EYS: variants seen among roughly 807,000 people sequenced by gnomAD.
EYS encodes protein eyes shut homolog.
In EYS, 250 loss-of-function variants were observed where a neutral mutation model predicts 282.1. That is an observed-to-expected ratio of 0.89 (90% CI 0.80 to 0.98). The LOEUF (loss-of-function observed/expected upper bound fraction) is 0.98. EYS is among the 50% of genes least tolerant of loss of function. The pLI is 0.00. For missense variants in EYS, 4,016 were observed against 3,709.0 expected (o/e 1.08, Z -2.15); for synonymous variants, 1,355 against 1,282.9 (o/e 1.06, Z -1.20).
intron 28 of EYS, among the ~76,000 whole-genome samples, chr6:64,424,554 A>C (rs1774342561): frequency 6.6e-6 from 1 of 152,188 alleles, no homozygotes; most frequent in Non-Finnish European, 1.5e-5. Context: ...ATTTCACTGC[A>C]AACCCTGCGT....
chr6:63,735,981 T>TACA (rs1768902184), intron 41 of EYS, among the ~76,000 whole-genome samples: 1 of 152,170 alleles, frequency 6.6e-6, no homozygotes, highest in Non-Finnish European at 1.5e-5. Context: ...CTACATAATG[T>TACA]AGACCCGTAT....
intron 19 of EYS, among the ~76,000 whole-genome samples, chr6:64,832,198 G>A (rs767761519): frequency 1.8e-4 from 27 of 151,798 alleles, no homozygotes; most frequent in Non-Finnish European, 3.1e-4. Flanking sequence ...ACATTCATAC[G>A]CATGTACATG....
chr6:65,346,236 C>T lies in EYS; in HGVS notation c.1460-2059G>A, dbSNP rs145707636. 3.8e-4 allele frequency among the ~76,000 whole-genome samples: 58 copies of T among 151,660 alleles called. 1 individual carries two copies. The highest frequency in any genetic ancestry group is 1.3e-3 in the African/African-American group (53 of 41,404). ...CCAGTCAGCCTTCTTAGTTCCTCTC[C>T]GTTAAATATGATCACCCCACATTTG... is the stretch of plus-strand genomic sequence containing the variant. On this transcript the variant is annotated intron_variant, in intron 9 of 42. Coordinates refer to ENST00000503581, the MANE Select transcript of EYS (RefSeq NM_001142800.2).
Position 65,494,195 on chromosome 6 carries a change from A to T in EYS, c.748+468T>A, listed in dbSNP as rs187183594. 5.9e-3 allele frequency among the ~76,000 whole-genome samples: 893 copies of T among 152,162 alleles called. 3 individuals carry two copies. Among genetic ancestry groups the T allele is most frequent in the Non-Finnish European group, 8.0e-3 (547 of 67,970 alleles). ...TTGGAGGATCCCTGATAGGATTTGT[A>T]TATGTCCAGAATCTATATCCAGCCA... On this transcript the variant is annotated intron_variant, in intron 4 of 42. Coordinates refer to ENST00000503581, the MANE Select transcript of EYS (RefSeq NM_001142800.2).
intron 12 of EYS, among the ~76,000 whole-genome samples, chr6:65,271,652 G>A (rs1028622631): frequency 2.7e-5 from 4 of 150,804 alleles, no homozygotes; most frequent in Non-Finnish European, 4.4e-5. Flanking sequence ...GTATGATCTC[G>A]GCTCACTACA....
At position 63,984,425 on chromosome 6, in the gene EYS, C is replaced by A. The variant is rs1231505438; in HGVS notation, c.7013G>T (p.Trp2338Leu). ...GTTGCGGCACAGATGATGAGCACACCAAGGGACGTGGCAGTTCTCAATATT... is the reference window on the plus strand; with the variant it reads ...GTTGCGGCACAGATGATGAGCACACAAAGGGACGTGGCAGTTCTCAATATT... Reference protein sequence around the residue: ...GKNIENCHVPWCAHHLCRNNG... With the variant: ...GKNIENCHVPLCAHHLCRNNG... The change falls in exon 35 of 43, where the codon TGG (tryptophan) becomes TTG (leucine). Residue 2338 changes from tryptophan to leucine, a missense_variant. Coordinates refer to ENST00000503581, the MANE Select transcript of EYS (RefSeq NM_001142800.2). 1 of 1,549,574 alleles carries A rather than the reference C, an allele frequency of 6.5e-7. No homozygotes were observed. The highest frequency in any genetic ancestry group is 1.2e-5 in the South Asian group (1 of 84,034).
At chr6:64,897,964 C>A (rs1767527768) in intron 18 of EYS, among the ~76,000 whole-genome samples, 2 of 152,170 alleles carry the variant, frequency 1.3e-5, no homozygotes, top group Non-Finnish European at 2.9e-5. Context: ...TGTGAAAAGA[C>A]TAAACCTACA....
intron 14 of EYS, among the ~76,000 whole-genome samples, chr6:64,948,572 ATATTAAATATTAAGTAAT>A (rs1233842145): frequency 6.9e-6 from 1 of 144,508 alleles, no homozygotes; most frequent in Non-Finnish European, 1.5e-5. Context: ...TAATATTTTA[ATATTAAATATTAAGTAAT>A]TATTAAATAT....
intron 30 of EYS, among the ~76,000 whole-genome samples, chr6:64,296,573 TATATATATATACATATATATA>T (rs1561913686): frequency 0.016 from 123 of 7,900 alleles, 3 homozygotes; most frequent in African/African-American, 0.054. Context: ...TATATATATA[TATATATATATACATATATATA>T]TATATTTTTT....
At chr6:64,400,611 A>C (rs1254680054) in intron 28 of EYS, among the ~76,000 whole-genome samples, 2 of 152,068 alleles carry the variant, frequency 1.3e-5, no homozygotes, top group Non-Finnish European at 2.9e-5. Context: ...TGCTCGATTG[A>C]ATCTGACTGA....
chr6:63,820,087 C>T (rs542091582), intron 36 of EYS, among the ~76,000 whole-genome samples: 1 of 152,190 alleles, frequency 6.6e-6, no homozygotes, highest in Admixed American at 6.5e-5. Context: ...TCTAAAATTA[C>T]AATTCATGTT....
At chr6:65,695,700 A>T (rs1769425502) in intron 1 of EYS, among the ~76,000 whole-genome samples, 2 of 151,896 alleles carry the variant, frequency 1.3e-5, no homozygotes, top group Admixed American at 6.6e-5. Flanking sequence ...CTACAATAAC[A>T]TTTTATAAAT....
At chr6:63,852,858 A>G (rs1772295370) in intron 36 of EYS, among the ~76,000 whole-genome samples, 1 of 152,254 alleles carries the variant, frequency 6.6e-6, no homozygotes, top group Non-Finnish European at 1.5e-5. Context: ...AATCCATCAC[A>G]TAAACAGAAC....
intron 26 of EYS, among the ~76,000 whole-genome samples, chr6:64,519,600 C>G (rs1286958137): frequency 6.6e-6 from 1 of 151,790 alleles, no homozygotes; most frequent in East Asian, 1.9e-4. Context: ...GGAAGGCACT[C>G]AATGACTTTT....
At chr6:65,034,696 A>G (rs147214695) in intron 13 of EYS, among the ~76,000 whole-genome samples, 56 of 152,196 alleles carry the variant, frequency 3.7e-4, no homozygotes, top group Admixed American at 1.6e-3. Flanking sequence ...CTTTCTACTA[A>G]TCATGCATAA....
In EYS at chr6:63,970,704, A is replaced by C. The variant is rs1030800702; in HGVS notation, c.7055+13679T>G. On this transcript the variant is annotated intron_variant, in intron 35 of 42. Coordinates refer to ENST00000503581, the MANE Select transcript of EYS (RefSeq NM_001142800.2). ...ACAGAGAAGTGATGTCCTTCTCCCT[A>C]GTGCTGAAGCAAGAGGGTTGACATT... is the stretch of plus-strand genomic sequence containing the variant. Among the ~76,000 whole-genome samples, 5 of 151,564 alleles carry C rather than the reference A, an allele frequency of 3.3e-5. No individual in the cohort carries two copies. In the East Asian group the frequency reaches 9.7e-4, roughly 29 times the overall value.
intron 11 of EYS, among the ~76,000 whole-genome samples, chr6:65,306,859 A>AAAAAAAG (rs1346343044): frequency 1.4e-3 from 194 of 142,266 alleles, no homozygotes; most frequent in Non-Finnish European, 2.3e-3. Flanking sequence ...AAAAAAAAAA[A>AAAAAAAG]AAAGAAAGTC....
intron 35 of EYS, among the ~76,000 whole-genome samples, chr6:63,896,317 T>G (rs1316726410): frequency 1.3e-5 from 2 of 152,220 alleles, no homozygotes; most frequent in Non-Finnish European, 2.9e-5. Flanking sequence ...TTGGACTTAT[T>G]TATGTGCCCC....
chr6:64,974,895 G>A (rs1200439225), intron 14 of EYS, among the ~76,000 whole-genome samples: 1 of 151,746 alleles, frequency 6.6e-6, no homozygotes, highest in Admixed American at 6.6e-5. Flanking sequence ...GGACTTCTTG[G>A]TGTGTGCATA....
Sources: gnomAD v4.1 joint callset for allele counts (sites outside exome capture counted in the v4.1 genomes callset) on GRCh38, gnomAD v4.1.1 for gene constraint, MANE v1.5 for transcripts, NCBI Gene and HGNC (gene_info 2026-07-23, HGNC 2026-07-21) for gene names.